Variants in CROCC2 observed in about 807,000 individuals in gnomAD.
CROCC2 encodes ciliary rootlet coiled-coil, rootletin family member 2.
A neutral mutation model predicts 177.6 loss-of-function variants in CROCC2; 163 were observed. The observed-to-expected ratio is 0.92, with a 90% CI of 0.81 to 1.05. The LOEUF (loss-of-function observed/expected upper bound fraction) is 1.05, where lower values mean the gene tolerates loss of function less well. CROCC2 is among the 50% of genes least tolerant of loss of function. The probability of loss-of-function intolerance (pLI) is 0.00; values close to 1 mark genes in which losing one functional copy is unlikely to be tolerated. For missense variants in CROCC2, 1,929 were observed against 1,797.8 expected, an observed-to-expected ratio of 1.07 and a Z score of -1.32; for synonymous variants, 904 against 787.3, an observed-to-expected ratio of 1.15 and a Z score of -2.48.
chr2:240,939,380 T>C (rs1003868258), intron 14 of CROCC2, among the ~76,000 whole-genome samples: 2 of 152,168 alleles, frequency 1.3e-5, no homozygotes, highest in Non-Finnish European at 2.9e-5. Context: ...CCATTTTATA[T>C]ATTTTTTATT....
rs563754577 is a variant in CROCC2 at position 240,958,919 on chromosome 2, C to T, written c.2944-382C>T. Among the ~76,000 whole-genome samples the T allele has an allele frequency of 6.6e-6, 1 of 152,250 alleles. No individual in the cohort carries two copies. The highest frequency in any genetic ancestry group is 6.5e-5 in the Admixed American group (1 of 15,304). ...TGCCCCAAGGCCCGAGAGGACACCT[C>T]GGGTGGTGTGTGCGACAGGGAGCCG... On this transcript the variant is annotated intron_variant, in intron 19 of 31. Coordinates refer to ENST00000690015, the MANE Select transcript of CROCC2 (RefSeq NM_001351305.2). This position sits in a 1 kb window ranked among gnomAD's most constrained non-coding sequence, Gnocchi z 6.7.
Position 240,959,368 on chromosome 2 carries a change from C to T in CROCC2, c.3011C>T (p.Ala1004Val), listed in dbSNP as rs964094239. 2.8e-5 allele frequency: 43 copies of T among 1,550,472 alleles called. No individual in the cohort carries two copies. The highest frequency in any genetic ancestry group is 6.8e-5 in the African/African-American group (5 of 73,042). ...LQAQFEDAITAHQRETTALRE... is the reference protein window; with the variant it reads ...LQAQFEDAITVHQRETTALRE... ...GCCCAGTTTGAGGATGCCATCACAG[C>T]CCATCAGAGGGAGACCACGGCCCTA... The change falls in exon 20 of 32, where the codon GCC becomes GTC. Residue 1004 changes from alanine to valine, a missense_variant. Transcript: ENST00000690015.
Position 240,933,165 on chromosome 2 carries a change from TG to T in CROCC2, c.1288del (p.Val430TrpfsTer71). On this transcript the variant is annotated frameshift_variant, in exon 10 of 32. Coordinates refer to ENST00000690015, the MANE Select transcript of CROCC2 (RefSeq NM_001351305.2). LOFTEE classifies it high-confidence loss of function. ...CTGCAGCTGAAGTCCTCCCAGGCACTGGTGGCCAGTCTCCAGGAGCAGCTGT... is the reference window on the plus strand; with the variant it reads ...CTGCAGCTGAAGTCCTCCCAGGCACTGTGGCCAGTCTCCAGGAGCAGCTGT... ...LCLQLKSSQA[L>X]VASLQEQLSE... 6.5e-7 allele frequency: 1 copy of T among 1,550,026 alleles called. No homozygotes were observed. The highest frequency in any genetic ancestry group is 8.7e-7 in the Non-Finnish European group (1 of 1,146,790).
Position 240,935,076 on chromosome 2 carries a change from C to A in CROCC2, c.1938+14C>A. 7.4e-7 allele frequency: 1 copy of A among 1,342,380 alleles called. No individual in the cohort carries two copies. Among genetic ancestry groups the A allele is most frequent in the Non-Finnish European group, 9.6e-7 (1 of 1,039,450 alleles). The allele number at this position is 1,342,380 out of a possible 1,614,324, so 83.2% of individuals were successfully genotyped here. A position where few individuals can be genotyped will look rare whatever the true frequency, so the allele number is the denominator to read the frequency against. On this transcript the variant is annotated intron_variant, in intron 13 of 31. Coordinates refer to ENST00000690015, the MANE Select transcript of CROCC2 (RefSeq NM_001351305.2). ...CTGGCTCTCCAGGTGAGACAAGGGC[C>A]AGTGGGGCGGGCCTCGCTGGAACCT...
intron 14 of CROCC2, among the ~76,000 whole-genome samples, chr2:240,939,881 A>G (rs2059487142): frequency 6.6e-6 from 1 of 152,228 alleles, no homozygotes; most frequent in Non-Finnish European, 1.5e-5. Flanking sequence ...AATTTCTAAC[A>G]TAATTCCATC....
chr2:240,948,362 C>T (rs1039405583), intron 15 of CROCC2, among the ~76,000 whole-genome samples: 6 of 152,180 alleles, frequency 3.9e-5, no homozygotes, highest in African/African-American at 1.2e-4. Context: ...TGATCAGGAG[C>T]TGCCAGGGTC....
chr2:240,939,875 T>G lies in CROCC2; in HGVS notation c.2169+4287T>G, dbSNP rs534610331. Among the ~76,000 whole-genome samples the G allele has an allele frequency of 2.0e-4, 31 of 152,310 alleles. No individual in the cohort carries two copies. In the South Asian group the frequency reaches 4.1e-3, roughly 20 times the overall value. ...TCTAAATGTCTAATTGTTATCAATT[T>G]CTAACATAATTCCATCACGATCGGA... is the stretch of plus-strand genomic sequence containing the variant. On this transcript the variant is annotated intron_variant, in intron 14 of 31. Transcript: ENST00000690015.
chr2:240,933,803 G>T lies in CROCC2; in HGVS notation c.1597G>T (p.Glu533Ter). 1 of 1,548,676 alleles carries T rather than the reference G, an allele frequency of 6.5e-7. No individual in the cohort carries two copies. The highest frequency in any genetic ancestry group is 2.4e-5 in the East Asian group (1 of 40,918). Residue 533 changes from glutamate to a stop codon, truncating the protein, a stop_gained, in exon 11 of 32, where the codon GAG becomes TAG. Transcript: ENST00000690015. LOFTEE classifies it high-confidence loss of function. ...RSLLLQAERR[E>*]ELALRRERSC... ...CCTCCTGCTGCAGGCAGAGCGGAGG[G>T]AGGAGCTGGCTCTGCGGAGGGAGCG...
chr2:240,935,180 GT>G, intron 13 of CROCC2, 118 bp downstream of exon 13: 2 of 1,266,920 alleles, frequency 1.6e-6, no homozygotes, highest in Non-Finnish European at 2.0e-6. Context: ...CTGGTTTGAG[GT>G]TTTGGGGACA....
At chr2:240,954,062 C>T (rs539816999) in intron 18 of CROCC2, among the ~76,000 whole-genome samples, 2 of 152,258 alleles carry the variant, frequency 1.3e-5, no homozygotes, top group East Asian at 1.9e-4. Context: ...AACAGCCAAC[C>T]GGCCTCCAGC....
rs1461053746 is a variant in CROCC2, at chr2:240,946,138, C to T, written c.2248C>T (p.Gln750Ter). The T allele has an allele frequency of 6.5e-7, 1 of 1,547,770 alleles. No homozygotes were observed. Among genetic ancestry groups the T allele is most frequent in the Non-Finnish European group, 8.7e-7 (1 of 1,144,798 alleles). ...QDQEAQMGTL[Q>*]QALQGKDALS... ...CCAGGAGGCCCAGATGGGCACTCTG[C>T]AGCAAGCCCTGCAAGGAAAGGATGC... Residue 750 changes from glutamine (Q) to a stop codon, truncating the protein, a stop_gained, in exon 15 of 32, where the codon CAG becomes TAG. Coordinates refer to ENST00000690015, the MANE Select transcript of CROCC2 (RefSeq NM_001351305.2). LOFTEE classifies it high-confidence loss of function.
chr2:240,945,209 T>C (rs543499280), intron 14 of CROCC2, among the ~76,000 whole-genome samples: 1 of 152,330 alleles, frequency 6.6e-6, no homozygotes, highest in Non-Finnish European at 1.5e-5. Context: ...GTGCTGGGAT[T>C]ATAGGCGTGA....
intron 1 of CROCC2, among the ~76,000 whole-genome samples, chr2:240,915,836 C>T (rs754944238): frequency 1.3e-5 from 2 of 152,110 alleles, no homozygotes; most frequent in South Asian, 4.1e-4. Flanking sequence ...GAAGAAGGTG[C>T]TGGGGGCAGG....
intron 20 of CROCC2, 102 bp downstream of exon 20, chr2:240,959,546 G>C: frequency 7.1e-7 from 1 of 1,405,558 alleles, no homozygotes. Context: ...AGGAAAGAGA[G>C]GCTGTACCAC....
At chr2:240,934,267 A>C in intron 11 of CROCC2, 64 bp from the exon 12 acceptor site, 4 of 1,516,734 alleles carry the variant, frequency 2.6e-6, no homozygotes, top group Non-Finnish European at 3.5e-6. Context: ...CGCCTGCCTG[A>C]AATCCCATGG....
At position 240,964,542 on chromosome 2, in the gene CROCC2, G is replaced by A. The variant is rs1485117671; in HGVS notation, c.3382G>A (p.Ala1128Thr). 1 of 1,549,562 alleles carries A rather than the reference G, an allele frequency of 6.5e-7. No individual in the cohort carries two copies. Among genetic ancestry groups the A allele is most frequent in the Admixed American group, 2.0e-5 (1 of 50,998 alleles). Residue 1128 changes from alanine (A) to threonine (T), a missense_variant, in exon 22 of 32, where the codon GCC becomes ACC. By Grantham distance (58) the Ala-to-Thr change is moderately conservative (BLOSUM62 0). This residue lies in a region of CROCC2 where 1,397 missense variants were observed against 1,239.9 expected (regional missense o/e 1.13). Transcript: ENST00000690015. Reference protein sequence around the residue: ...EEAQAALQQEASALRAHLWEL... With the variant: ...EEAQAALQQETSALRAHLWEL... ...GGCCCAGGCGGCGTTGCAGCAGGAG[G>A]CCAGTGCACTGCGGGCCCACCTGTG...
At position 240,950,534 on chromosome 2, in the gene CROCC2, C is replaced by A. The variant is rs549011961; in HGVS notation, c.2829+24C>A. 5.9e-6 allele frequency: 9 copies of A among 1,535,548 alleles called. No homozygotes were observed. The East Asian group carries it at 1.7e-4, about 29-fold the overall frequency. Reference sequence around the variant, plus strand: ...AGGTGATGGTGAGGCTGGGGGGCAGCGGGATTGCTCACACCCACTGCACCT... The same window carrying A: ...AGGTGATGGTGAGGCTGGGGGGCAGAGGGATTGCTCACACCCACTGCACCT... On this transcript the variant is annotated intron_variant, in intron 18 of 31. Coordinates refer to ENST00000690015, the MANE Select transcript of CROCC2 (RefSeq NM_001351305.2).
intron 27 of CROCC2, among the ~76,000 whole-genome samples, chr2:240,974,807 T>C (rs1322921533): frequency 6.6e-6 from 1 of 152,196 alleles, no homozygotes; most frequent in African/African-American, 2.4e-5. Context: ...ACGTGTCCCA[T>C]CAGTTTTTGA....
At chr2:240,967,612 C>A (rs553300803) in intron 26 of CROCC2, 147 bp downstream of exon 26, 1 of 1,474,010 alleles carries the variant, frequency 6.8e-7, no homozygotes, top group East Asian at 2.5e-5. Flanking sequence ...AACCACCAGG[C>A]CTGGCGAGGC....
Sources: allele counts gnomAD v4.1 joint callset (sites outside exome capture counted in the v4.1 genomes callset), GRCh38; gene constraint gnomAD v4.1.1; regional missense constraint gnomAD v4.1.1; non-coding constraint Gnocchi (gnomAD v3.1); transcripts MANE v1.5; gene names NCBI Gene and HGNC (gene_info 2026-07-23, HGNC 2026-07-21).